The following STK3 variants were observed in gnomAD, a reference collection of about 807,000 sequenced individuals.
STK3 encodes serine/threonine kinase 3, also known as serine/threonine-protein kinase 3.
STK3 carries 41 observed loss-of-function variants against 58.0 expected under a neutral mutation model. That is an observed-to-expected ratio of 0.71 (90% CI 0.55 to 0.92). STK3 has a LOEUF of 0.92. STK3 is among the 40% of genes least tolerant of loss of function. The pLI, the probability that STK3 is intolerant of heterozygous loss-of-function variation, is 0.00. For synonymous variants in STK3, 170 were observed against 191.0 expected, an observed-to-expected ratio of 0.89 and a Z score of 0.91; for missense variants, 479 against 602.7, an observed-to-expected ratio of 0.79 and a Z score of 2.15.
At chr8:98,732,417 T>C (rs1011035661) in intron 4 of STK3, among the ~76,000 whole-genome samples, 1 of 152,120 alleles carries the variant, frequency 6.6e-6, no homozygotes, top group Non-Finnish European at 1.5e-5. Flanking sequence ...TGACAGCCAT[T>C]AGCAACACTA....
intron 8 of STK3, among the ~76,000 whole-genome samples, chr8:98,568,080 G>A (rs532850046): frequency 6.6e-6 from 1 of 151,696 alleles, no homozygotes; most frequent in East Asian, 1.9e-4. Context: ...TAGATAGATA[G>A]ATAGATAGAT....
chr8:98,666,208 C>T (rs1322331873), intron 6 of STK3, among the ~76,000 whole-genome samples: 1 of 150,696 alleles, frequency 6.6e-6, no homozygotes, highest in Non-Finnish European at 1.5e-5. Flanking sequence ...AAAAAAATCA[C>T]ACAGAGGTAT....
chr8:98,395,141 A>G (rs535179058), intron 3 of STK3, among the ~76,000 whole-genome samples: 1 of 152,300 alleles, frequency 6.6e-6, no homozygotes, highest in African/African-American at 2.4e-5. Context: ...ATCTATTTCA[A>G]TTGTGTCAGA....
intron 6 of STK3, among the ~76,000 whole-genome samples, chr8:98,653,177 C>T (rs1184836699): frequency 6.6e-6 from 1 of 152,232 alleles, no homozygotes; most frequent in Non-Finnish European, 1.5e-5. Context: ...GATTAAGACA[C>T]TCACTCAAAA....
intron 6 of STK3, among the ~76,000 whole-genome samples, chr8:98,656,220 T>G (rs1012991492): frequency 6.6e-6 from 1 of 151,716 alleles, no homozygotes; most frequent in Non-Finnish European, 1.5e-5. Flanking sequence ...TCATTCTCAG[T>G]AAACTATCGC....
intron 10 of STK3, among the ~76,000 whole-genome samples, chr8:98,487,371 T>C (rs1027172776): frequency 2.6e-5 from 4 of 152,218 alleles, no homozygotes; most frequent in Admixed American, 6.5e-5. Context: ...TGCACTTACC[T>C]AAATGCAATG....
intron 2 of STK3, among the ~76,000 whole-genome samples, chr8:98,435,219 A>C (rs1479613166): frequency 6.6e-6 from 1 of 152,238 alleles, no homozygotes; most frequent in Non-Finnish European, 1.5e-5. Context: ...CCAGCCAGAC[A>C]GGGCATGGTG....
In STK3 at chr8:98,650,455, G is replaced by A. The variant is rs151330012; in HGVS notation, c.685-54286C>T. On this transcript the variant is annotated intron_variant, in intron 6 of 10. Transcript: ENST00000419617. ...TCTACATTTCCATCTGAGGTACCGG[G>A]TTCACCTCACTAGGGAGTGCCAGAC... is the stretch of plus-strand genomic sequence containing the variant. 1.6e-3 allele frequency among the ~76,000 whole-genome samples: 243 copies of A among 152,374 alleles called. 1 individual carries two copies. The highest frequency in any genetic ancestry group is 5.5e-3 in the African/African-American group (230 of 41,596).
intron 9 of STK3, 95 bp downstream of exon 9, chr8:98,547,874 G>T: frequency 1.7e-6 from 2 of 1,157,818 alleles, no homozygotes; most frequent in Non-Finnish European, 2.2e-6. Context: ...ATTTTCCACA[G>T]TTGGCTATAA....
At chr8:98,833,641 T>A (rs753479108) in intron 3 of STK3, among the ~76,000 whole-genome samples, 10 of 152,304 alleles carry the variant, frequency 6.6e-5, no homozygotes, top group African/African-American at 9.6e-5. Flanking sequence ...GGAGTTGGTA[T>A]CTTATTGCTA....
At chr8:98,839,346 A>AC (rs2131804311) in intron 3 of STK3, among the ~76,000 whole-genome samples, 1 of 152,280 alleles carries the variant, frequency 6.6e-6, no homozygotes, top group African/African-American at 2.4e-5. Context: ...CCATGCCCAG[A>AC]CTAACCTCTT....
intron 1 of STK3, among the ~76,000 whole-genome samples, chr8:98,443,857 A>C (rs1236065715): frequency 6.6e-6 from 1 of 152,256 alleles, no homozygotes; most frequent in Non-Finnish European, 1.5e-5. Flanking sequence ...GTAATTCCAC[A>C]ATAGTTGAAG....
intron 1 of STK3, among the ~76,000 whole-genome samples, chr8:98,924,685 G>A (rs1173430081): frequency 2.6e-5 from 4 of 152,216 alleles, no homozygotes; most frequent in Non-Finnish European, 5.9e-5. Flanking sequence ...AACAGTCCTT[G>A]TAAAAAGCCA....
chr8:98,683,427 T>C (rs556385686), intron 6 of STK3, among the ~76,000 whole-genome samples: 2 of 152,154 alleles, frequency 1.3e-5, no homozygotes, highest in East Asian at 3.9e-4. Flanking sequence ...AGAAGTATCT[T>C]TGAGATAGGA....
At chr8:98,478,793 CCT>C (rs1821591713) in intron 10 of STK3, among the ~76,000 whole-genome samples, 2 of 152,028 alleles carry the variant, frequency 1.3e-5, no homozygotes, top group Admixed American at 6.6e-5. Context: ...GGCTCCCTAC[CCT>C]CTGTCTCTCC....
At chr8:98,638,316 T>G (rs941846126) in intron 6 of STK3, 3 of 152,234 alleles carry the variant, frequency 2.0e-5, no homozygotes, top group African/African-American at 7.2e-5. Context: ...TTGTTACTTA[T>G]TTAGCCTAAT....
intron 10 of STK3, among the ~76,000 whole-genome samples, chr8:98,460,528 G>A (rs1819868882): frequency 6.6e-6 from 1 of 152,184 alleles, no homozygotes; most frequent in South Asian, 2.1e-4. Context: ...AAGGACATGA[G>A]ATTTGGGAGG....
intron 6 of STK3, among the ~76,000 whole-genome samples, chr8:98,697,800 G>A (rs1368901879): frequency 6.6e-6 from 1 of 152,024 alleles, no homozygotes; most frequent in Non-Finnish European, 1.5e-5. Context: ...GTCAATTTTG[G>A]AACAGGTGTG....
At chr8:98,667,712 TA>T (rs1399465245) in intron 6 of STK3, among the ~76,000 whole-genome samples, 1 of 152,140 alleles carries the variant, frequency 6.6e-6, no homozygotes, top group South Asian at 2.1e-4. Context: ...GTTTTAAAAA[TA>T]AAAAACGAAG....
Sources: gnomAD v4.1 joint callset for allele counts (sites outside exome capture counted in the v4.1 genomes callset) on GRCh38, gnomAD v4.1.1 for gene constraint, MANE v1.5 for transcripts, NCBI Gene and HGNC (gene_info 2026-07-23, HGNC 2026-07-21) for gene names.